EP400: variants seen among roughly 807,000 people sequenced by gnomAD.
EP400 encodes the protein E1A-binding protein p400.
EP400 carries 105 observed loss-of-function variants against 354.1 expected under a neutral mutation model. The observed-to-expected ratio is 0.30, with a 90% CI of 0.25 to 0.35. The LOEUF is 0.35. EP400 is among the 10% of genes least tolerant of loss of function. The pLI is 1.00. For missense variants in EP400, 3,280 were observed against 4,121.0 expected (o/e 0.80, Z 5.59); for synonymous variants, 1,646 against 1,716.9 (o/e 0.96, Z 1.02).
In EP400 at chr12:132,029,531, G is replaced by T. The variant is rs1345685263; in HGVS notation, c.5382-170G>T. On this transcript the variant is annotated intron_variant, in intron 27 of 52. Coordinates refer to ENST00000389561, the MANE Select transcript of EP400 (RefSeq NM_015409.5). The surrounding 1 kb of genome is among the most constrained non-coding windows in gnomAD (Gnocchi z 4.7). ...GCCAGGACTGGTTAGGATCTGCCTC[G>T]TTGGGCCCCTGCCCGTGTGCCAACA... 4.2e-5 allele frequency: 29 copies of T among 688,780 alleles called. No individual in the cohort carries two copies. The highest frequency in any genetic ancestry group is 6.8e-5 in the Non-Finnish European group (28 of 411,410). The allele number at this position is 688,780 out of a possible 1,614,324, so 42.7% of individuals were successfully genotyped here.
chr12:132,077,641 C>CT lies in EP400; in HGVS notation c.9341dup (p.Thr3116AspfsTer4). 1 of 1,612,914 alleles carries CT rather than the reference C, an allele frequency of 6.2e-7. No homozygotes were observed. The highest frequency in any genetic ancestry group is 8.5e-7 in the Non-Finnish European group (1 of 1,179,474). On this transcript the variant is annotated frameshift_variant, in exon 53 of 53. Coordinates refer to ENST00000389561, the MANE Select transcript of EP400 (RefSeq NM_015409.5). LOFTEE classifies it high-confidence loss of function. ...ACAGATGAGGGTCCCTGCTGTCAGG[C>CT]TAAAGACACCTACTAAGCCTCCGTG...
Position 131,992,227 on chromosome 12 carries a change from G to C in EP400, c.2734G>C (p.Glu912Gln). Residue 912 changes from glutamate (E) to glutamine (Q), a missense_variant, in exon 11 of 53, where the codon GAA becomes CAA. Around this residue, in one of 20 missense-constraint regions of EP400, gnomAD observed 800 missense variants for 840.0 expected, o/e 0.95. Coordinates refer to ENST00000389561, the MANE Select transcript of EP400 (RefSeq NM_015409.5). Reference protein sequence around the residue: ...RKASISLTDDEVDDEEETIEE... With the variant: ...RKASISLTDDQVDDEEETIEE... ...AGCTAGCATATCTTTGACTGATGAC[G>C]AAGGTCTGTTCCCCCTCAGCACTAT... 1 of 1,610,048 alleles carries C rather than the reference G, an allele frequency of 6.2e-7. No individual in the cohort carries two copies. The highest frequency in any genetic ancestry group is 8.5e-7 in the Non-Finnish European group (1 of 1,179,556).
At chr12:132,037,602 C>T in intron 30 of EP400, 80 bp from the exon 31 acceptor site, 1 of 1,118,234 alleles carries the variant, frequency 8.9e-7, no homozygotes, top group Admixed American at 1.7e-5. Context: ...ATTCGTTGAT[C>T]ACCATCTGCA....
At chr12:131,987,296 A>G (rs1020392205) in intron 6 of EP400, among the ~76,000 whole-genome samples, 1 of 152,180 alleles carries the variant, frequency 6.6e-6, no homozygotes, top group Non-Finnish European at 1.5e-5. Context: ...CCATTATTTG[A>G]TTTTATCACA....
rs1593387657 is a variant in EP400, at chr12:132,067,144, C to G, written c.8749+175C>G. 5 of 1,103,988 alleles carry G rather than the reference C, an allele frequency of 4.5e-6. No homozygotes were observed. In the South Asian group the frequency reaches 8.3e-5, roughly 18 times the overall value. 68.4% of individuals were successfully genotyped at this position (1,103,988 alleles called of 1,614,324 possible). ...CGCTTTCCAGGCGCAAGGCTGGGTC[C>G]TCAATTGAACTGTTAACATTCTGAA... is the stretch of plus-strand genomic sequence containing the variant. On this transcript the variant is annotated intron_variant, in intron 49 of 52. Transcript: ENST00000389561. This position sits in a 1 kb window ranked among gnomAD's most constrained non-coding sequence, Gnocchi z 5.3.
intron 9 of EP400, 43 bp from the exon 10 acceptor site, chr12:131,991,364 C>T (rs955582116): frequency 6.2e-7 from 1 of 1,607,228 alleles, no homozygotes; most frequent in Admixed American, 1.7e-5. Flanking sequence ...CCTCGCCAAG[C>T]ATGGGGGGCC....
chr12:131,967,267 A>G (rs1892133345), intron 2 of EP400, among the ~76,000 whole-genome samples: 3 of 150,862 alleles, frequency 2.0e-5, no homozygotes, highest in South Asian at 4.2e-4. Flanking sequence ...TGTAATCCCA[A>G]CTACTCGGGA....
Position 132,006,151 on chromosome 12 carries a change from A to T in EP400, c.2975A>T (p.Asp992Val). 1 of 1,614,186 alleles carries T rather than the reference A, an allele frequency of 6.2e-7. No homozygotes were observed. The highest frequency in any genetic ancestry group is 8.5e-7 in the Non-Finnish European group (1 of 1,180,028). Residue 992 changes from aspartate to valine, a missense_variant, in exon 14 of 53, where the codon GAC becomes GTC. Physicochemically the swap from Asp to Val is radical, Grantham distance 152. Transcript: ENST00000389561. ...CCAGGCGACAGGGAGAGTCGCAAGG[A>T]CTTGGTTCTCATCGACTCGCTTTTC... is the stretch of plus-strand genomic sequence containing the variant. ...DCPGDRESRK[D>V]LVLIDSLFIM...
chr12:132,012,934 G>A, intron 16 of EP400, 75 bp from the exon 17 acceptor site: 4 of 1,449,412 alleles, frequency 2.8e-6, no homozygotes, highest in Non-Finnish European at 2.7e-6. Context: ...CAAGCTTTGG[G>A]AAGTGTGTGT....
At chr12:132,021,413 C>G in intron 23 of EP400, 92 bp downstream of exon 23, 1 of 1,414,544 alleles carries the variant, frequency 7.1e-7, no homozygotes, top group East Asian at 2.7e-5. Flanking sequence ...GCCTTGCTGT[C>G]CACTCCTTTG....
intron 47 of EP400, among the ~76,000 whole-genome samples, chr12:132,064,102 C>T (rs908139507): frequency 6.6e-6 from 1 of 151,354 alleles, no homozygotes; most frequent in African/African-American, 2.4e-5. Flanking sequence ...CGGCCTACAG[C>T]CACACAGGTG....
In EP400 at chr12:132,006,138, G is replaced by A; in HGVS notation, c.2962G>A (p.Glu988Lys). ...TGCAGATGACTGTCCAGGCGACAGG[G>A]AGAGTCGCAAGGACTTGGTTCTCAT... is the stretch of plus-strand genomic sequence containing the variant. ...EDADDCPGDRESRKDLVLIDS... is the reference protein window; with the variant it reads ...EDADDCPGDRKSRKDLVLIDS... Residue 988 changes from glutamate to lysine, a missense_variant, in exon 14 of 53, where the codon GAG becomes AAG. By Grantham distance (56) the Glu-to-Lys change is moderately conservative (BLOSUM62 1). Around this residue, in one of 20 missense-constraint regions of EP400, gnomAD observed 800 missense variants for 840.0 expected, o/e 0.95. Coordinates refer to ENST00000389561, the MANE Select transcript of EP400 (RefSeq NM_015409.5). 3 of 1,614,188 alleles carry A rather than the reference G, an allele frequency of 1.9e-6. No homozygotes were observed. Among genetic ancestry groups the A allele is most frequent in the Non-Finnish European group, 2.5e-6 (3 of 1,180,012 alleles).
chr12:131,980,048 A>T (rs1227935654), intron 3 of EP400, among the ~76,000 whole-genome samples: 1 of 152,250 alleles, frequency 6.6e-6, no homozygotes, highest in Non-Finnish European at 1.5e-5. Flanking sequence ...CTCTTGAGTC[A>T]TCACGGTGTG....
chr12:132,036,292 G>A (rs1262204494), intron 30 of EP400, among the ~76,000 whole-genome samples: 1 of 150,964 alleles, frequency 6.6e-6, no homozygotes, highest in African/African-American at 2.4e-5. Flanking sequence ...AGGTTCGCAC[G>A]GAATGTCGTG....
Position 132,018,202 on chromosome 12 carries a change from C to A in EP400, c.4111-8C>A. On this transcript the variant is annotated splice_polypyrimidine_tract_variant and splice_region_variant and intron_variant, in intron 20 of 52. Transcript: ENST00000389561. The surrounding 1 kb of genome is among the most constrained non-coding windows in gnomAD (Gnocchi z 4.0). ...ATGCAGCAAGACTTTTTTTCTTTTT[C>A]TCTCTAGGAAGCAGATCTTTCTATG... is the stretch of plus-strand genomic sequence containing the variant. 6.3e-7 allele frequency: 1 copy of A among 1,598,512 alleles called. No individual in the cohort carries two copies. Among genetic ancestry groups the A allele is most frequent in the Non-Finnish European group, 8.5e-7 (1 of 1,175,954 alleles).
At chr12:132,006,024 C>G in intron 13 of EP400, 88 bp from the exon 14 acceptor site, 18 of 1,307,962 alleles carry the variant, frequency 1.4e-5, no homozygotes, top group Non-Finnish European at 1.9e-5. Flanking sequence ...TAGTTGGATT[C>G]TATAAACTTT....
Position 132,062,481 on chromosome 12 carries a change from T to C in EP400, c.8114T>C (p.Leu2705Pro). 6.2e-7 allele frequency: 1 copy of C among 1,612,874 alleles called. No homozygotes were observed. Among genetic ancestry groups the C allele is most frequent in the Non-Finnish European group, 8.5e-7 (1 of 1,180,002 alleles). The change falls in exon 47 of 53, where the codon CTC (leucine) becomes CCC (proline). Residue 2705 changes from leucine (L) to proline (P), a missense_variant. Physicochemically the swap from Leu to Pro is moderately conservative, Grantham distance 98 (BLOSUM62 -3). This residue lies in a region of EP400 where 255 missense variants were observed against 295.9 expected (regional missense o/e 0.86). Transcript: ENST00000389561. ...CTCTTCATAGCCACAGGAGTTCAGC[T>C]CCCTGGAAAAACCATCACACCTGCA... ...PQVSQATGVQ[L>P]PGKTITPAHF...
chr12:132,006,183 G>C lies in EP400; in HGVS notation c.3007G>C (p.Asp1003His), dbSNP rs759368707. Residue 1003 changes from aspartate to histidine, a missense_variant, in exon 14 of 53, where the codon GAT (aspartate) becomes CAT (histidine). By Grantham distance (81) the Asp-to-His change is moderately conservative. Coordinates refer to ENST00000389561, the MANE Select transcript of EP400 (RefSeq NM_015409.5). ...TCTCATCGACTCGCTTTTCATCATG[G>C]ATCAGTTCAAAGCTGCCGAGAGGAT... ...LVLIDSLFIM[D>H]QFKAAERMNI... 4.2e-5 allele frequency: 67 copies of C among 1,614,094 alleles called. No homozygotes were observed. Among genetic ancestry groups the C allele is most frequent in the Non-Finnish European group, 5.2e-5 (61 of 1,180,050 alleles).
At chr12:132,073,602 T>A (rs1363961564) in intron 51 of EP400, among the ~76,000 whole-genome samples, 1 of 150,420 alleles carries the variant, frequency 6.6e-6, no homozygotes, top group Non-Finnish European at 1.5e-5. Context: ...TACAGGCACA[T>A]GCCACCAGGC....
Sources: allele counts gnomAD v4.1 joint callset (sites outside exome capture counted in the v4.1 genomes callset), GRCh38; gene constraint gnomAD v4.1.1; regional missense constraint gnomAD v4.1.1; non-coding constraint Gnocchi (gnomAD v3.1); transcripts MANE v1.5; gene names NCBI Gene and HGNC (gene_info 2026-07-23, HGNC 2026-07-21).